Variants in ATRX observed in about 807,000 individuals in gnomAD.
ATRX encodes the protein chromatin remodeler ATRX.
A neutral mutation model predicts 172.6 loss-of-function variants in ATRX; 12 were observed. The ratio of observed to expected loss-of-function variants is 0.07; its 90% CI spans 0.04 to 0.11. ATRX has a LOEUF of 0.11. ATRX is among the 10% of genes least tolerant of loss of function. The probability of loss-of-function intolerance (pLI) is 1.00; values close to 1 mark genes in which losing one functional copy is unlikely to be tolerated. For synonymous variants in ATRX, 674 were observed against 594.7 expected, an observed-to-expected ratio of 1.13 and a Z score of -1.94; for missense variants, 1,368 against 1,767.4, an observed-to-expected ratio of 0.77 and a Z score of 4.05.
chrX:77,571,257 T>G (rs1379294581), intron 28 of ATRX, among the ~76,000 whole-genome samples: 1 of 111,991 alleles, frequency 8.9e-6, no homozygotes, highest in Non-Finnish European at 1.9e-5. Flanking sequence ...TGGAACACAG[T>G]GTTCACAGCA....
chrX:77,767,144 G>T (rs1557196546), intron 1 of ATRX, among the ~76,000 whole-genome samples: 1 of 111,021 alleles, frequency 9.0e-6, no homozygotes, highest in Non-Finnish European at 1.9e-5. Flanking sequence ...CAGGCAGGGA[G>T]GTTGCAGTGA....
chrX:77,684,726 T>A (rs2071456893), intron 8 of ATRX, 133 bp from the exon 9 acceptor site: 2 of 828,413 alleles, frequency 2.4e-6, no homozygotes, highest in Non-Finnish European at 3.5e-6. Flanking sequence ...ATTTAAATTT[T>A]ACTGCCAGTA....
At chrX:77,685,338 T>C (rs1397574536) in intron 7 of ATRX, among the ~76,000 whole-genome samples, 4 of 112,003 alleles carry the variant, frequency 3.6e-5, no homozygotes, top group Non-Finnish European at 3.8e-5. Context: ...AACAATTCTA[T>C]AGGAAAAAAT....
chrX:77,723,652 G>A (rs373564403), intron 1 of ATRX, among the ~76,000 whole-genome samples: 4 of 111,341 alleles, frequency 3.6e-5, no homozygotes, highest in East Asian at 5.6e-4. Context: ...GTCCTTAATC[G>A]TGCTCAGATA....
chrX:77,530,461 T>C (rs2063535366), intron 30 of ATRX, among the ~76,000 whole-genome samples: 1 of 110,050 alleles, frequency 9.1e-6, no homozygotes, highest in African/African-American at 3.3e-5. Context: ...TACAAAAAAT[T>C]AGCCAGGCGT....
At chrX:77,662,992 G>A (rs1557123721) in intron 12 of ATRX, among the ~76,000 whole-genome samples, 2 of 112,082 alleles carry the variant, frequency 1.8e-5, no homozygotes, top group African/African-American at 3.2e-5. Context: ...ACCGTGCCTG[G>A]CCATACACTT....
chrX:77,555,569 G>A (rs1392105408), intron 30 of ATRX, among the ~76,000 whole-genome samples: 1 of 111,335 alleles, frequency 9.0e-6, no homozygotes, highest in Non-Finnish European at 1.9e-5. Context: ...CATGGATGAA[G>A]CTGGAAACCA....
intron 28 of ATRX, among the ~76,000 whole-genome samples, chrX:77,573,203 TTC>T (rs1375505079): frequency 2.7e-5 from 3 of 111,877 alleles, no homozygotes; most frequent in Non-Finnish European, 5.7e-5. Context: ...ACTGTATCTT[TTC>T]TGTTTAGATA....
intron 22 of ATRX, chrX:77,615,915 T>C: frequency 2.7e-6 from 2 of 736,736 alleles, no homozygotes; most frequent in Non-Finnish European, 3.2e-6. Flanking sequence ...TGGGGAAAGG[T>C]ACCAGAATAA....
intron 26 of ATRX, among the ~76,000 whole-genome samples, chrX:77,590,505 G>A (rs1479042651): frequency 8.4e-5 from 9 of 107,663 alleles, no homozygotes; most frequent in Admixed American, 7.0e-4. Context: ...CCAGCTACTC[G>A]GGAGGCTGAG....
intron 4 of ATRX, among the ~76,000 whole-genome samples, chrX:77,697,356 A>G (rs1304917505): frequency 8.9e-6 from 1 of 111,895 alleles, no homozygotes; most frequent in African/African-American, 3.2e-5. Context: ...ATAAATCCTT[A>G]AAAACCCTTT....
intron 1 of ATRX, among the ~76,000 whole-genome samples, chrX:77,739,374 T>G (rs2074751645): frequency 1.8e-5 from 2 of 108,991 alleles, no homozygotes; most frequent in Admixed American, 2.0e-4. Context: ...CAGATATATA[T>G]ACATAATCAG....
intron 10 of ATRX, among the ~76,000 whole-genome samples, chrX:77,671,168 AT>A (rs1374722375): frequency 0.024 from 207 of 8,485 alleles, 3 homozygotes; most frequent in East Asian, 0.064. Flanking sequence ...AAAAAAAAAA[AT>A]ATATATATAT....
chrX:77,695,074 A>C (rs975621213), intron 5 of ATRX, among the ~76,000 whole-genome samples: 13 of 109,311 alleles, frequency 1.2e-4, no homozygotes, highest in African/African-American at 3.6e-4. Flanking sequence ...AAAAAAAAAA[A>C]AACTGAATTC....
At chrX:77,719,230 TAA>T (rs1178383724) in intron 1 of ATRX, among the ~76,000 whole-genome samples, 1 of 111,383 alleles carries the variant, frequency 9.0e-6, no homozygotes, top group Non-Finnish European at 1.9e-5. Context: ...CCAGAATACA[TAA>T]AGACTTCTTA....
intron 9 of ATRX, among the ~76,000 whole-genome samples, chrX:77,680,640 T>A (rs2071133687): frequency 9.0e-6 from 1 of 111,128 alleles, no homozygotes; most frequent in Non-Finnish European, 1.9e-5. Flanking sequence ...GAAGGAAAAA[T>A]TTTTAAATTC....
At chrX:77,556,368 AGAGAGGGGAAGAGG>A (rs2064805372) in intron 30 of ATRX, among the ~76,000 whole-genome samples, 1 of 45,150 alleles carries the variant, frequency 2.2e-5, no homozygotes, top group Admixed American at 3.1e-4. Context: ...AGGGAGAGGG[AGAGAGGGGAAGAGG>A]GAGAGGGAGA....
intron 27 of ATRX, among the ~76,000 whole-genome samples, chrX:77,583,401 G>A (rs2065898726): frequency 9.0e-6 from 1 of 110,830 alleles, no homozygotes; most frequent in Non-Finnish European, 1.9e-5. Flanking sequence ...GCACACGCCT[G>A]TAATCCCAGC....
chrX:77,515,738 A>G (rs2063032605), intron 34 of ATRX, among the ~76,000 whole-genome samples: 1 of 112,309 alleles, frequency 8.9e-6, no homozygotes, highest in African/African-American at 3.2e-5. Flanking sequence ...AGCTTTTCTC[A>G]TTCCAACAGT....
Sources: allele counts gnomAD v4.1 joint callset (sites outside exome capture counted in the v4.1 genomes callset), GRCh38; gene constraint gnomAD v4.1.1; transcripts MANE v1.5; gene names NCBI Gene and HGNC (gene_info 2026-07-23, HGNC 2026-07-21).